VAT1L: variants seen among roughly 807,000 people sequenced by gnomAD.
The protein encoded by VAT1L is putative NADPH-dependent quinone oxidoreductase VAT1L.
In VAT1L, 34 loss-of-function variants were observed where a neutral mutation model predicts 44.1. That is an observed-to-expected ratio of 0.77 (90% CI 0.59 to 1.03). The LOEUF (loss-of-function observed/expected upper bound fraction) is 1.03. VAT1L is among the 50% of genes least tolerant of loss of function. VAT1L has a pLI of 0.00. For synonymous variants in VAT1L, 253 were observed against 202.2 expected (o/e 1.25, Z -2.13); for missense variants, 615 against 538.8 (o/e 1.14, Z -1.40).
At chr16:77,886,391 T>C (rs900620390) in intron 7 of VAT1L, among the ~76,000 whole-genome samples, 3 of 152,158 alleles carry the variant, frequency 2.0e-5, no homozygotes, top group African/African-American at 7.2e-5. Context: ...AGAGATATAC[T>C]TGTCCATGGG....
rs2015777103 is a variant in VAT1L, at chr16:77,788,832, C to T, written c.150C>T (p.Phe50=). Residue 50 remains phenylalanine (F), a synonymous_variant, in exon 1 of 9, where the codon TTC becomes TTT. Coordinates refer to ENST00000302536, the MANE Select transcript of VAT1L (RefSeq NM_020927.3). ...TGCGCGCGGTGGTGCTGGCTGGCTT[C>T]GGGGGGCTCAACAAGCTGCGGCTCT... ...QEMRAVVLAG[F]GGLNKLRLFR... 1.3e-6 allele frequency: 2 copies of T among 1,579,448 alleles called. No homozygotes were observed.
chr16:77,788,931 CTT>C lies in VAT1L; in HGVS notation c.233+18_233+19del. 6.9e-7 allele frequency: 1 copy of C among 1,454,576 alleles called. No homozygotes were observed. The highest frequency in any genetic ancestry group is 2.6e-5 in the East Asian group (1 of 38,656). 90.1% of individuals were successfully genotyped at this position (1,454,576 alleles called of 1,614,324 possible). ...TCAAAGCCTGGTCCAGTATCCGCGC[CTT>C]TCTCGCTTTCTCTCTTTTTGCGCGC... is the stretch of plus-strand genomic sequence containing the variant. On this transcript the variant is annotated intron_variant, in intron 1 of 8. Coordinates refer to ENST00000302536, the MANE Select transcript of VAT1L (RefSeq NM_020927.3).
At chr16:77,908,734 C>T (rs8059167) in intron 7 of VAT1L, among the ~76,000 whole-genome samples, 126,819 of 151,820 alleles carry the variant, frequency 0.84, 53,187 homozygotes, top group South Asian at 0.96. Flanking sequence ...GCTAACACAG[C>T]GAAACCCGTC....
intron 3 of VAT1L, among the ~76,000 whole-genome samples, chr16:77,838,408 C>A (rs2016663627): frequency 6.6e-6 from 1 of 152,182 alleles, no homozygotes; most frequent in Non-Finnish European, 1.5e-5. Flanking sequence ...TTGGCCCTGG[C>A]CCCCCATCAC....
intron 1 of VAT1L, among the ~76,000 whole-genome samples, chr16:77,795,290 A>G (rs200290147): frequency 0.046 from 4,992 of 108,162 alleles, 136 homozygotes; most frequent in Middle Eastern, 0.082. Context: ...GGGCGGGGGG[A>G]AAGATTGAGA....
At chr16:77,862,223 A>T (rs1236837121) in intron 3 of VAT1L, among the ~76,000 whole-genome samples, 1 of 152,188 alleles carries the variant, frequency 6.6e-6, no homozygotes, top group Non-Finnish European at 1.5e-5. Context: ...GGTTGTCACA[A>T]CTGGGAGGAT....
intron 3 of VAT1L, among the ~76,000 whole-genome samples, chr16:77,861,076 A>G (rs2016909930): frequency 6.6e-6 from 1 of 151,872 alleles, no homozygotes; most frequent in Non-Finnish European, 1.5e-5. Context: ...TGATCTTCCA[A>G]CTCTGACATT....
chr16:77,818,773 A>T (rs909526774), intron 2 of VAT1L, among the ~76,000 whole-genome samples: 1 of 152,238 alleles, frequency 6.6e-6, no homozygotes, highest in African/African-American at 2.4e-5. Flanking sequence ...GCACAAAAAA[A>T]TAAGTCACTT....
chr16:77,824,066 G>C (rs762262634), intron 2 of VAT1L, among the ~76,000 whole-genome samples: 2 of 152,160 alleles, frequency 1.3e-5, no homozygotes, highest in African/African-American at 2.4e-5. Context: ...GCATGAGGAG[G>C]AATCCATTCT....
intron 3 of VAT1L, among the ~76,000 whole-genome samples, chr16:77,857,069 C>T (rs2016866536): frequency 6.6e-6 from 1 of 152,164 alleles, no homozygotes; most frequent in African/African-American, 2.4e-5. Context: ...GCTATTAATG[C>T]TGTATTGTTA....
intron 7 of VAT1L, among the ~76,000 whole-genome samples, chr16:77,964,778 A>C (rs1245374143): frequency 1.7e-4 from 15 of 89,782 alleles, no homozygotes; most frequent in African/African-American, 5.7e-4. Flanking sequence ...CCTTTGTAGC[A>C]CTTTTTTTTT....
intron 7 of VAT1L, among the ~76,000 whole-genome samples, chr16:77,915,572 A>T (rs2017543437): frequency 6.6e-6 from 1 of 152,202 alleles, no homozygotes; most frequent in African/African-American, 2.4e-5. Flanking sequence ...GCTTCCCCAG[A>T]GGAGTGGGAC....
At chr16:77,882,966 C>T (rs2017170479) in intron 6 of VAT1L, among the ~76,000 whole-genome samples, 1 of 152,154 alleles carries the variant, frequency 6.6e-6, no homozygotes, top group South Asian at 2.1e-4. Flanking sequence ...ATGCGTGGCT[C>T]TTATTGGTCC....
intron 4 of VAT1L, among the ~76,000 whole-genome samples, chr16:77,863,158 G>C (rs984878038): frequency 2.0e-5 from 3 of 152,180 alleles, no homozygotes; most frequent in Non-Finnish European, 4.4e-5. Context: ...CTTAACACAT[G>C]GAAGTTTATT....
At chr16:77,871,571 A>C (rs991048744) in intron 4 of VAT1L, among the ~76,000 whole-genome samples, 34 of 152,248 alleles carry the variant, frequency 2.2e-4, no homozygotes, top group African/African-American at 7.2e-4. Flanking sequence ...GATGTGATGG[A>C]ACAAACTAAG....
intron 7 of VAT1L, among the ~76,000 whole-genome samples, chr16:77,945,277 A>ATTTTTTTT (rs1567517602): frequency 1.1e-4 from 1 of 9,284 alleles, no homozygotes; most frequent in African/African-American, 2.2e-4. Flanking sequence ...AGATTGCAGA[A>ATTTTTTTT]CTTTTTTTTT....
intron 3 of VAT1L, among the ~76,000 whole-genome samples, chr16:77,844,489 A>T (rs866494367): frequency 1.8e-4 from 27 of 152,022 alleles, no homozygotes; most frequent in African/African-American, 6.3e-4. Flanking sequence ...GCTCCCTGCA[A>T]CCTCCGCCTC....
At chr16:77,897,730 C>G (rs2017339025) in intron 7 of VAT1L, among the ~76,000 whole-genome samples, 1 of 152,204 alleles carries the variant, frequency 6.6e-6, no homozygotes, top group Non-Finnish European at 1.5e-5. Flanking sequence ...CGGCCTCGGC[C>G]TCCCCAAGTG....
chr16:77,926,871 G>C (rs1218447922), intron 7 of VAT1L, among the ~76,000 whole-genome samples: 3 of 152,100 alleles, frequency 2.0e-5, no homozygotes, highest in Non-Finnish European at 4.4e-5. Flanking sequence ...CCTAGAAAGA[G>C]ACTCTGGCTT....
Sources: gnomAD v4.1 joint callset for allele counts (sites outside exome capture counted in the v4.1 genomes callset) on GRCh38, gnomAD v4.1.1 for gene constraint, MANE v1.5 for transcripts, NCBI Gene and HGNC (gene_info 2026-07-23, HGNC 2026-07-21) for gene names.